UBE2Q2: variants seen among roughly 807,000 people sequenced by gnomAD.
UBE2Q2 encodes the protein ubiquitin-conjugating enzyme E2 Q2.
In UBE2Q2, 54 loss-of-function variants were observed where a neutral mutation model predicts 59.9. The ratio of observed to expected loss-of-function variants is 0.90; its 90% CI spans 0.72 to 1.13. UBE2Q2 has a LOEUF of 1.13. Among genes scored for constraint, UBE2Q2 ranks in the 50% most tolerant of loss-of-function variants. UBE2Q2 has a pLI of 0.00. For missense variants in UBE2Q2, 433 were observed against 441.9 expected, an observed-to-expected ratio of 0.98 and a Z score of 0.18; for synonymous variants, 165 against 155.2, an observed-to-expected ratio of 1.06 and a Z score of -0.47.
At chr15:75,888,046 T>C (rs1444186070) in intron 9 of UBE2Q2, among the ~76,000 whole-genome samples, 1 of 152,220 alleles carries the variant, frequency 6.6e-6, no homozygotes, top group Non-Finnish European at 1.5e-5. Flanking sequence ...ACCCTACTTC[T>C]TTATTTCTTG....
chr15:75,879,176 C>T lies in UBE2Q2; in HGVS notation c.813C>T (p.Asn271=), dbSNP rs1391278877. 1.9e-6 allele frequency: 3 copies of T among 1,591,104 alleles called. No homozygotes were observed. Among genetic ancestry groups the T allele is most frequent in the Admixed American group, 3.5e-5 (2 of 57,050 alleles). The change falls in exon 8 of 13, where the codon AAC becomes AAT. Residue 271 remains asparagine, a synonymous_variant. Coordinates refer to ENST00000267938, the MANE Select transcript of UBE2Q2 (RefSeq NM_173469.4). ...EKEGIEYILL[N]FSFKDNFPFD... is the part of the protein sequence containing the mutation. ...AAGGCATAGAATATATTTTGCTTAA[C>T]TTCTCTTTTAAGGTAAGAAAATAGT...
In UBE2Q2 at chr15:75,864,106, T is replaced by A. The variant is rs546421055; in HGVS notation, c.387+4124T>A. ...TTGAATCATCCTTGCATTTCTATAG[T>A]AAACACCGTTAGAATGGATATGGTA... On this transcript the variant is annotated intron_variant, in intron 3 of 12. Transcript: ENST00000267938. Among the ~76,000 whole-genome samples, 364 of 152,340 alleles carry A rather than the reference T, an allele frequency of 2.4e-3. 1 individual carries two copies. Among genetic ancestry groups the A allele is most frequent in the African/African-American group, 8.6e-3 (356 of 41,572 alleles).
intron 1 of UBE2Q2, chr15:75,844,560 C>T (rs556379052): frequency 2.0e-6 from 3 of 1,463,638 alleles, no homozygotes; most frequent in Middle Eastern, 1.8e-4. Flanking sequence ...AAAGGAGATA[C>T]GCGCCAGGGC....
intron 11 of UBE2Q2, among the ~76,000 whole-genome samples, chr15:75,896,433 G>A (rs962888424): frequency 6.6e-6 from 1 of 152,078 alleles, no homozygotes; most frequent in Non-Finnish European, 1.5e-5. Context: ...TTGTACTTAT[G>A]GTGACAAAAT....
At chr15:75,876,120 G>T in intron 5 of UBE2Q2, 67 bp from the exon 6 acceptor site, 18 of 1,291,860 alleles carry the variant, frequency 1.4e-5, no homozygotes, top group Non-Finnish European at 2.0e-5. Context: ...TAATCTTTTA[G>T]ATCAGGTTGA....
At chr15:75,854,355 A>C in intron 1 of UBE2Q2, 31 bp from the exon 2 acceptor site, 1 of 1,561,328 alleles carries the variant, frequency 6.4e-7, no homozygotes, top group Non-Finnish European at 8.8e-7. Context: ...TCTGTATGTA[A>C]ATGTTTAACA....
chr15:75,854,524 A>G (rs1044865071), intron 2 of UBE2Q2, 37 bp downstream of exon 2: 4 of 1,303,670 alleles, frequency 3.1e-6, no homozygotes, highest in Non-Finnish European at 4.4e-6. Flanking sequence ...TCTTTTCCTC[A>G]TGAACATTAC....
intron 1 of UBE2Q2, among the ~76,000 whole-genome samples, chr15:75,854,066 T>G (rs1295219732): frequency 6.6e-6 from 1 of 152,136 alleles, no homozygotes; most frequent in Non-Finnish European, 1.5e-5. Context: ...TTGTTAGAAG[T>G]GAGTCACTAG....
At chr15:75,895,252 CG>C (rs762426200) in intron 11 of UBE2Q2, 4 of 151,938 alleles carry the variant, frequency 2.6e-5, no homozygotes, top group Non-Finnish European at 4.4e-5. Flanking sequence ...GGTACGATCT[CG>C]GGCTCACTGC....
intron 6 of UBE2Q2, among the ~76,000 whole-genome samples, chr15:75,877,258 G>A (rs1898141131): frequency 6.8e-6 from 1 of 146,738 alleles, no homozygotes; most frequent in Non-Finnish European, 1.5e-5. Context: ...AAATTAATTA[G>A]AATTTGCTTA....
chr15:75,886,529 G>A (rs762571234), intron 9 of UBE2Q2, among the ~76,000 whole-genome samples: 17 of 151,856 alleles, frequency 1.1e-4, no homozygotes, highest in Non-Finnish European at 1.9e-4. Flanking sequence ...AATCTTATTT[G>A]AGAGAAAAAA....
chr15:75,884,564 G>A (rs1038457924), intron 9 of UBE2Q2, among the ~76,000 whole-genome samples: 3 of 152,158 alleles, frequency 2.0e-5, no homozygotes, highest in African/African-American at 7.2e-5. Flanking sequence ...GAAACAAAAA[G>A]TGTGTGTTTG....
chr15:75,898,605 T>C (rs1008888177), intron 12 of UBE2Q2, among the ~76,000 whole-genome samples: 1 of 152,216 alleles, frequency 6.6e-6, no homozygotes, highest in African/African-American at 2.4e-5. Context: ...GGATTCTAGT[T>C]TGGCCTGCTA....
At chr15:75,844,589 C>T in intron 1 of UBE2Q2, 1 of 1,287,152 alleles carries the variant, frequency 7.8e-7, no homozygotes, top group Non-Finnish European at 1.1e-6. Context: ...GGAAAGATCA[C>T]GTATGTCACA....
At chr15:75,870,931 A>G (rs1418309901) in intron 4 of UBE2Q2, among the ~76,000 whole-genome samples, 1 of 152,204 alleles carries the variant, frequency 6.6e-6, no homozygotes, top group Non-Finnish European at 1.5e-5. Context: ...AGAAAAAGAC[A>G]CAGAGACAAA....
At chr15:75,863,461 T>A (rs2141586087) in intron 3 of UBE2Q2, among the ~76,000 whole-genome samples, 1 of 152,074 alleles carries the variant, frequency 6.6e-6, no homozygotes, top group Admixed American at 6.5e-5. Flanking sequence ...TTCTTTTTTT[T>A]TTTTGACGGA....
intron 3 of UBE2Q2, among the ~76,000 whole-genome samples, chr15:75,864,494 C>T (rs975371932): frequency 5.9e-5 from 9 of 151,838 alleles, no homozygotes; most frequent in Non-Finnish European, 1.3e-4. Context: ...GTTGAGAAAC[C>T]ATGGTTTAAA....
intron 3 of UBE2Q2, among the ~76,000 whole-genome samples, chr15:75,866,796 A>G (rs555969417): frequency 2.7e-4 from 41 of 152,240 alleles, no homozygotes; most frequent in African/African-American, 9.4e-4. Context: ...TTTACTTTCT[A>G]GAATTGTGCT....
intron 1 of UBE2Q2, chr15:75,844,428 G>T (rs757306433): frequency 3.9e-6 from 6 of 1,551,606 alleles, no homozygotes; most frequent in Non-Finnish European, 5.2e-6. Context: ...CCTCTCCCCC[G>T]GGCCTGGCTG....
Sources: gnomAD v4.1 joint callset for allele counts (sites outside exome capture counted in the v4.1 genomes callset) on GRCh38, gnomAD v4.1.1 for gene constraint, MANE v1.5 for transcripts, NCBI Gene and HGNC (gene_info 2026-07-23, HGNC 2026-07-21) for gene names.